The following THSD4 variants were observed in gnomAD, a reference collection of about 807,000 sequenced individuals.
The protein encoded by THSD4 is thrombospondin type-1 domain-containing protein 4.
A neutral mutation model predicts 119.0 loss-of-function variants in THSD4; 69 were observed. That is an observed-to-expected ratio of 0.58 (90% CI 0.48 to 0.71). THSD4 has a LOEUF of 0.71. THSD4 is among the 30% of genes least tolerant of loss of function. The probability of loss-of-function intolerance (pLI) is 0.00; values close to 1 mark genes in which losing one functional copy is unlikely to be tolerated. For missense variants in THSD4, 1,393 were observed against 1,391.1 expected (o/e 1.00, Z -0.02); for synonymous variants, 524 against 540.4 (o/e 0.97, Z 0.42).
At chr15:71,332,893 T>TTTTTTTTTATA (rs1491144618) in intron 6 of THSD4, among the ~76,000 whole-genome samples, 3 of 56,500 alleles carry the variant, frequency 5.3e-5, no homozygotes, top group African/African-American at 1.8e-4. Context: ...TTTTTTTACA[T>TTTTTTTTTATA]TTTTTTTTTT....
chr15:71,556,689 A>C (rs2049023209), intron 7 of THSD4, among the ~76,000 whole-genome samples: 1 of 151,988 alleles, frequency 6.6e-6, no homozygotes, highest in Non-Finnish European at 1.5e-5. Flanking sequence ...ACCTAAACAC[A>C]GGGAGGCTGA....
chr15:71,329,185 G>A (rs11853359), intron 6 of THSD4, among the ~76,000 whole-genome samples: 56,557 of 151,922 alleles, frequency 0.37, 11,127 homozygotes, highest in African/African-American at 0.5. Context: ...TAGGAGCTAA[G>A]AATATTCCCA....
At chr15:71,543,710 C>T (rs1296544077) in intron 7 of THSD4, among the ~76,000 whole-genome samples, 1 of 152,160 alleles carries the variant, frequency 6.6e-6, no homozygotes, top group African/African-American at 2.4e-5. Flanking sequence ...AGGAGGGAGA[C>T]CTGGCTACAG....
At chr15:71,639,089 T>G (rs1388810443) in intron 7 of THSD4, among the ~76,000 whole-genome samples, 1 of 152,202 alleles carries the variant, frequency 6.6e-6, no homozygotes, top group Admixed American at 6.5e-5. Flanking sequence ...CACATCCCAT[T>G]GGCCAGAACT....
chr15:71,328,791 A>C (rs1169372698), intron 6 of THSD4, among the ~76,000 whole-genome samples: 7 of 152,212 alleles, frequency 4.6e-5, no homozygotes. Flanking sequence ...ACAAAATAAA[A>C]AGTTATGGCC....
At chr15:71,607,190 C>T (rs2050126208) in intron 7 of THSD4, among the ~76,000 whole-genome samples, 1 of 152,064 alleles carries the variant, frequency 6.6e-6, no homozygotes, top group Admixed American at 6.5e-5. Flanking sequence ...TGGAGGAACT[C>T]GTGTTTCACA....
At chr15:71,615,122 T>A (rs1270611973) in intron 7 of THSD4, among the ~76,000 whole-genome samples, 3 of 152,304 alleles carry the variant, frequency 2.0e-5, no homozygotes, top group Admixed American at 2.0e-4. Flanking sequence ...GCAGATTTGG[T>A]TTTGTAAGGG....
chr15:71,729,632 G>T (rs2052933324), intron 9 of THSD4: 1 of 151,836 alleles, frequency 6.6e-6, no homozygotes, highest in Non-Finnish European at 1.5e-5. Context: ...TTTTTTTTTA[G>T]ACTGTCCAGT....
At chr15:71,397,675 G>C (rs961104102) in intron 6 of THSD4, among the ~76,000 whole-genome samples, 1 of 152,214 alleles carries the variant, frequency 6.6e-6, no homozygotes, top group African/African-American at 2.4e-5. Context: ...AGAATTAAGA[G>C]TTTAATCGGG....
chr15:71,543,024 G>T (rs2048783094), intron 7 of THSD4, among the ~76,000 whole-genome samples: 1 of 144,952 alleles, frequency 6.9e-6, no homozygotes. Flanking sequence ...GAAATGTGAT[G>T]ACTAAATGTA....
At chr15:71,613,410 C>T (rs1365992661) in intron 7 of THSD4, among the ~76,000 whole-genome samples, 2 of 152,046 alleles carry the variant, frequency 1.3e-5, no homozygotes, top group African/African-American at 4.8e-5. Flanking sequence ...GATTCAGAAC[C>T]ACTTTACGAA....
At chr15:71,674,161 A>G (rs769219600) in intron 8 of THSD4, among the ~76,000 whole-genome samples, 8 of 151,704 alleles carry the variant, frequency 5.3e-5, no homozygotes, top group Non-Finnish European at 7.4e-5. Flanking sequence ...TCTCCACCTT[A>G]CTCCCCCAGC....
At chr15:71,712,132 T>A (rs1214145574) in intron 8 of THSD4, among the ~76,000 whole-genome samples, 1 of 152,216 alleles carries the variant, frequency 6.6e-6, no homozygotes, top group Non-Finnish European at 1.5e-5. Flanking sequence ...CTTTAAAATT[T>A]TTAATATAGC....
chr15:71,478,454 A>G (rs2047681845), intron 7 of THSD4, among the ~76,000 whole-genome samples: 1 of 152,218 alleles, frequency 6.6e-6, no homozygotes, highest in African/African-American at 2.4e-5. Flanking sequence ...GTGAGGATCT[A>G]TTTATTAAGC....
chr15:71,246,001 C>T (rs1189892040), intron 5 of THSD4, among the ~76,000 whole-genome samples: 2 of 152,162 alleles, frequency 1.3e-5, no homozygotes, highest in Non-Finnish European at 2.9e-5. Context: ...TATCTGTCCT[C>T]CCCAGTGTCC....
chr15:71,258,497 A>G (rs772979804), intron 6 of THSD4, among the ~76,000 whole-genome samples: 3 of 152,068 alleles, frequency 2.0e-5, no homozygotes, highest in Non-Finnish European at 4.4e-5. Flanking sequence ...GTTTTGTAAC[A>G]TGTTAACATT....
At chr15:71,747,490 G>A (rs1025785810) in intron 13 of THSD4, among the ~76,000 whole-genome samples, 2 of 152,216 alleles carry the variant, frequency 1.3e-5, no homozygotes, top group African/African-American at 4.8e-5. Context: ...ATCAGCCCAA[G>A]AAGACACACG....
chr15:71,592,289 C>T (rs1041787235), intron 7 of THSD4, among the ~76,000 whole-genome samples: 9 of 152,218 alleles, frequency 5.9e-5, no homozygotes, highest in Admixed American at 6.5e-5. Context: ...CCCCCATGTT[C>T]CACCAGCAGT....
At chr15:71,245,325 T>C (rs2044190711) in intron 5 of THSD4, among the ~76,000 whole-genome samples, 1 of 152,160 alleles carries the variant, frequency 6.6e-6, no homozygotes, top group African/African-American at 2.4e-5. Context: ...GGTTCCATTA[T>C]TGCATGTATT....
Sources: gnomAD v4.1 joint callset for allele counts (sites outside exome capture counted in the v4.1 genomes callset) on GRCh38, gnomAD v4.1.1 for gene constraint, MANE v1.5 for transcripts, NCBI Gene and HGNC (gene_info 2026-07-23, HGNC 2026-07-21) for gene names.